PACRGL: variants seen among roughly 807,000 people sequenced by gnomAD.
The protein encoded by PACRGL is parkin coregulated like.
Under a neutral mutation model 34.5 loss-of-function variants are expected in PACRGL, and 38 were observed. The observed-to-expected ratio is 1.10, with a 90% confidence interval of 0.85 to 1.44. The LOEUF is 1.44. PACRGL is among the 40% of genes most tolerant of loss of function. The pLI, the probability that PACRGL is intolerant of heterozygous loss-of-function variation, is 0.00. For synonymous variants in PACRGL, 128 were observed against 100.1 expected (o/e 1.28, Z -1.66); for missense variants, 305 against 281.4 (o/e 1.08, Z -0.60).
intron 7 of PACRGL, among the ~76,000 whole-genome samples, chr4:20,720,040 A>G (rs1192640037): frequency 1.3e-5 from 2 of 152,108 alleles, no homozygotes; most frequent in Admixed American, 6.6e-5. Flanking sequence ...TATATTTAGG[A>G]TAGTTAGCCC....
downstream of PACRGL, among the ~76,000 whole-genome samples, chr4:20,733,866 A>G (rs1164477685): frequency 1.3e-5 from 2 of 152,082 alleles, no homozygotes; most frequent in African/African-American, 2.4e-5. Flanking sequence ...ATCAGGCTAT[A>G]CTCGTGACCT....
chr4:20,759,192 C>T, the PACRGL span, among the ~76,000 whole-genome samples: 1 of 152,250 alleles, frequency 6.6e-6, no homozygotes, highest in East Asian at 1.9e-4. Context: ...AAGGAAATTG[C>T]ATTATTTTTC....
downstream of PACRGL, among the ~76,000 whole-genome samples, chr4:20,754,105 G>T (rs1018706501): frequency 2.0e-5 from 3 of 152,148 alleles, no homozygotes; most frequent in African/African-American, 7.2e-5. Context: ...AAGTTTTTGT[G>T]TAACCATATA....
At chr4:20,748,201 A>G (rs1013223264) in intron 8 of PACRGL, among the ~76,000 whole-genome samples, 4 of 152,002 alleles carry the variant, frequency 2.6e-5, no homozygotes, top group African/African-American at 9.7e-5. Context: ...TCTGGCCTCT[A>G]TCTCCTTCCC....
intron 1 of PACRGL, 125 bp from the exon 2 acceptor site, chr4:20,704,341 C>G: frequency 1.3e-6 from 1 of 770,752 alleles, no homozygotes; most frequent in Non-Finnish European, 2.1e-6. Flanking sequence ...GTATTTTGCT[C>G]CATATCAACT....
chr4:20,712,567 G>T (rs1245412449), intron 5 of PACRGL: 5 of 365,458 alleles, frequency 1.4e-5, no homozygotes, highest in Non-Finnish European at 2.4e-5. Flanking sequence ...GGTATCCATT[G>T]GAGGGGGGGC....
chr4:20,708,239 A>C lies in PACRGL; in HGVS notation c.275+369A>C, dbSNP rs145494383. 3.5e-3 allele frequency among the ~76,000 whole-genome samples: 530 copies of C among 152,270 alleles called. 5 individuals carry two copies. Among genetic ancestry groups the C allele is most frequent in the African/African-American group, 0.012 (505 of 41,564 alleles). On this transcript the variant is annotated intron_variant, in intron 4 of 8. Transcript: ENST00000503585. ...ATGAAATTGTTTATATTTCATAATA[A>C]ATACATATGGCTGTTTTTGCTTCAT...
At chr4:20,753,325 G>A (rs1753967092), downstream of PACRGL, among the ~76,000 whole-genome samples, 1 of 152,008 alleles carries the variant, frequency 6.6e-6, no homozygotes, top group African/African-American at 2.4e-5. Flanking sequence ...GATTCCTTTG[G>A]TGTGACTCCT....
downstream of PACRGL, among the ~76,000 whole-genome samples, chr4:20,733,575 G>A (rs558297893): frequency 1.3e-5 from 2 of 152,260 alleles, no homozygotes; most frequent in African/African-American, 4.8e-5. Context: ...GATGTTTTAA[G>A]CATAGATAAG....
In PACRGL at chr4:20,701,599, G is replaced by A. The variant is rs774603043; in HGVS notation, c.-17+812G>A. 19 of 287,954 alleles carry A rather than the reference G, an allele frequency of 6.6e-5. No homozygotes were observed. In the Admixed American group the frequency reaches 7.7e-4, roughly 12 times the overall value. 17.8% of individuals were successfully genotyped at this position (287,954 alleles called of 1,614,324 possible). ...AAAAACCACTTGAAAGGGTTACCAA[G>A]GATAAGATTTTTAAAGCTTGCTTTC... On this transcript the variant is annotated intron_variant, in intron 1 of 8. Coordinates refer to ENST00000503585, the MANE Select transcript of PACRGL (RefSeq NM_001258345.3).
chr4:20,723,788 G>A (rs1262991522), intron 7 of PACRGL, among the ~76,000 whole-genome samples: 2 of 152,140 alleles, frequency 1.3e-5, no homozygotes, highest in East Asian at 1.9e-4. Flanking sequence ...ACTTTGGGAA[G>A]ACCTAGACAC....
chr4:20,704,621 C>A, intron 2 of PACRGL, 39 bp from the exon 3 acceptor site: 1 of 1,613,454 alleles, frequency 6.2e-7, no homozygotes, highest in South Asian at 1.1e-5. Flanking sequence ...AACTTTATTG[C>A]TTGTACCTGG....
rs899476957 is a variant in PACRGL at position 20,731,921 on chromosome 4, G to A, written c.*4580G>A. 27 of 1,562,686 alleles carry A rather than the reference G, an allele frequency of 1.7e-5. No individual in the cohort carries two copies. Among genetic ancestry groups the A allele is most frequent in the Middle Eastern group, 2.2e-4 (1 of 4,466 alleles). On this transcript the variant is annotated 3_prime_UTR_variant, in exon 9 of 9. Coordinates refer to ENST00000503585, the MANE Select transcript of PACRGL (RefSeq NM_001258345.3). Reference sequence around the variant, plus strand: ...CTTAGGCATATGATCTCTATATTTCGCCCAGTTCATGGTAGCTAGCTGCTA... The same window carrying A: ...CTTAGGCATATGATCTCTATATTTCACCCAGTTCATGGTAGCTAGCTGCTA...
In PACRGL at chr4:20,715,100, A is replaced by G. The variant is rs1166817142; in HGVS notation, c.609+1561A>G. ...CATGGAATACTATGTAGCCATAAAA[A>G]ATGATGAGTTCATTCCTTTGTAGGG... On this transcript the variant is annotated intron_variant, in intron 7 of 8. Transcript: ENST00000503585. Among the ~76,000 whole-genome samples, 3 of 152,250 alleles carry G rather than the reference A, an allele frequency of 2.0e-5. No individual in the cohort carries two copies. The South Asian group carries it at 6.2e-4, about 31-fold the overall frequency.
At chr4:20,720,596 G>A (rs933794513) in intron 7 of PACRGL, among the ~76,000 whole-genome samples, 1 of 152,132 alleles carries the variant, frequency 6.6e-6, no homozygotes, top group Non-Finnish European at 1.5e-5. Context: ...GCTTAGTTTG[G>A]CTGGATATGA....
the PACRGL span, chr4:20,758,813 G>A: frequency 6.2e-7 from 1 of 1,606,976 alleles, no homozygotes; most frequent in Non-Finnish European, 8.5e-7. Flanking sequence ...GTCCACATTT[G>A]TACTTACCTC....
chr4:20,749,638 A>T (rs1353343109), intron 8 of PACRGL: 1 of 1,505,440 alleles, frequency 6.6e-7, no homozygotes, highest in Admixed American at 1.7e-5. Context: ...TAGTCAAATG[A>T]TATGAAAATA....
intron 8 of PACRGL, among the ~76,000 whole-genome samples, chr4:20,744,772 A>AT (rs1206265508): frequency 4.6e-5 from 7 of 152,156 alleles, no homozygotes; most frequent in Non-Finnish European, 8.8e-5. Context: ...AATAATAATA[A>AT]TAAAAATATA....
chr4:20,737,296 G>T (rs547072669), downstream of PACRGL, among the ~76,000 whole-genome samples: 3 of 111,606 alleles, frequency 2.7e-5, no homozygotes, highest in Non-Finnish European at 3.9e-5. Flanking sequence ...TGTTCATTTT[G>T]CTCCAAGGTT....
Sources: allele counts gnomAD v4.1 joint callset (sites outside exome capture counted in the v4.1 genomes callset), GRCh38; gene constraint gnomAD v4.1.1; transcripts MANE v1.5; gene names NCBI Gene and HGNC (gene_info 2026-07-23, HGNC 2026-07-21).